Variants in IL2RA observed in about 807,000 individuals in gnomAD.
IL2RA encodes interleukin 2 receptor subunit alpha, also known as interleukin-2 receptor subunit alpha.
In IL2RA, 24 loss-of-function variants were observed where a neutral mutation model predicts 37.8. The ratio of observed to expected loss-of-function variants is 0.63; its 90% confidence interval spans 0.46 to 0.89. The LOEUF is 0.89. IL2RA is among the 40% of genes least tolerant of loss of function. IL2RA has a pLI of 0.00. For missense variants in IL2RA, 319 were observed against 348.6 expected (o/e 0.92, Z 0.68); for synonymous variants, 125 against 114.6 (o/e 1.09, Z -0.58).
At chr10:6,040,293 T>C (rs1315424588) in intron 1 of IL2RA, among the ~76,000 whole-genome samples, 1 of 152,164 alleles carries the variant, frequency 6.6e-6, no homozygotes, top group East Asian at 1.9e-4. Flanking sequence ...AACGAGGAAA[T>C]AGAGTTTCTT....
chr10:6,044,359 A>G lies in IL2RA; in HGVS notation c.64+17729T>C, dbSNP rs531682405. On this transcript the variant is annotated intron_variant, in intron 1 of 7. Transcript: ENST00000379959. This position sits in a 1 kb window ranked among gnomAD's most constrained non-coding sequence, Gnocchi z 4.5. ...TGCTTCTGTAGAGCAGGGCGACCAC[A>G]TAGGCAGAGAGTAGTAGGTCAGGGC... Among the ~76,000 whole-genome samples, 44 of 152,396 alleles carry G rather than the reference A, an allele frequency of 2.9e-4. No homozygotes were observed. The highest frequency in any genetic ancestry group is 9.9e-4 in the African/African-American group (41 of 41,600).
In IL2RA at chr10:6,036,753, G is replaced by A. The variant is rs1839689241; in HGVS notation, c.65-10728C>T. Reference sequence around the variant, plus strand: ...ATTTTTGTGTCCCTTGAGTTAACCAGAAATACCAACCCTGGAAAGAGATGT... The same window carrying A: ...ATTTTTGTGTCCCTTGAGTTAACCAAAAATACCAACCCTGGAAAGAGATGT... On this transcript the variant is annotated intron_variant, in intron 1 of 7. Coordinates refer to ENST00000379959, the MANE Select transcript of IL2RA (RefSeq NM_000417.3). The surrounding 1 kb of genome is among the most constrained non-coding windows in gnomAD (Gnocchi z 6.1). Among the ~76,000 whole-genome samples the A allele has an allele frequency of 6.6e-6, 1 of 152,162 alleles. No homozygotes were observed. The highest frequency in any genetic ancestry group is 2.4e-5 in the African/African-American group (1 of 41,440).
intron 1 of IL2RA, among the ~76,000 whole-genome samples, chr10:6,031,588 A>G (rs1839595227): frequency 6.7e-6 from 1 of 148,778 alleles, no homozygotes; most frequent in Admixed American, 6.7e-5. Context: ...TAAAAATTTA[A>G]AAACAATTGT....
rs1001270775 is a variant in IL2RA at position 6,029,102 on chromosome 10, A to C, written c.65-3077T>G. 6.6e-6 allele frequency among the ~76,000 whole-genome samples: 1 copy of C among 151,818 alleles called. No individual in the cohort carries two copies. The highest frequency in any genetic ancestry group is 2.4e-5 in the African/African-American group (1 of 41,360). ...GACTTAAAGCAGAGGTCAGTAAACT[A>C]TGACCTGCAGATTTGCTGCCATTTA... On this transcript the variant is annotated intron_variant, in intron 1 of 7. Coordinates refer to ENST00000379959, the MANE Select transcript of IL2RA (RefSeq NM_000417.3). The surrounding 1 kb of genome is among the most constrained non-coding windows in gnomAD (Gnocchi z 4.6).
intron 1 of IL2RA, among the ~76,000 whole-genome samples, chr10:6,061,374 A>T (rs1176944452): frequency 6.6e-6 from 1 of 152,104 alleles, no homozygotes. Context: ...TGACAGAGAC[A>T]GTGTCAAAAA....
In IL2RA at chr10:6,058,282, C is replaced by T. The variant is rs559420369; in HGVS notation, c.64+3806G>A. Among the ~76,000 whole-genome samples, 9 of 152,194 alleles carry T rather than the reference C, an allele frequency of 5.9e-5. No individual in the cohort carries two copies. The highest frequency in any genetic ancestry group is 1.2e-4 in the Non-Finnish European group (8 of 68,048). On this transcript the variant is annotated intron_variant, in intron 1 of 7. Transcript: ENST00000379959. This position sits in a 1 kb window ranked among gnomAD's most constrained non-coding sequence, Gnocchi z 4.2. ...GTTCTATATTAGCACCTCTAACTGA[C>T]GCATTCGTGAAACTCATTCTTTTGG...
Position 6,021,329 on chromosome 10 carries a change from T to C in IL2RA, c.583+149A>G, listed in dbSNP as rs200821498. The C allele has an allele frequency of 2.9e-6, 2 of 682,288 alleles. No homozygotes were observed. The highest frequency in any genetic ancestry group is 2.5e-6 in the Non-Finnish European group (1 of 397,682). The allele number at this position is 682,288 out of a possible 1,614,324, so 42.3% of individuals were successfully genotyped here. A position where few individuals can be genotyped will look rare whatever the true frequency, so the allele number is the denominator to read the frequency against. On this transcript the variant is annotated intron_variant, in intron 4 of 7. Coordinates refer to ENST00000379959, the MANE Select transcript of IL2RA (RefSeq NM_000417.3). The surrounding 1 kb of genome is among the most constrained non-coding windows in gnomAD (Gnocchi z 4.9). The stretch of plus-strand genomic sequence containing the variant: ...CTGGTCTATTTAAATTTTTTTTTTT[T>C]TCTCAGAATGAGAAAAAATGGAAGC...
chr10:6,023,237 T>C (rs1223519437), intron 3 of IL2RA, among the ~76,000 whole-genome samples: 4 of 152,188 alleles, frequency 2.6e-5, no homozygotes, highest in South Asian at 2.1e-4. Flanking sequence ...CTTTGTAAGG[T>C]TGTAAAATCA....
In IL2RA at chr10:6,031,500, A is replaced by ATG. The variant is rs1564546025; in HGVS notation, c.65-5476_65-5475insCA. Among the ~76,000 whole-genome samples, 4 of 71,516 alleles carry ATG rather than the reference A, an allele frequency of 5.6e-5. No individual in the cohort carries two copies. The East Asian group carries it at 2.8e-3, about 50-fold the overall frequency. 46.9% of individuals were successfully genotyped at this position (71,516 alleles called of 152,430 possible). The stretch of plus-strand genomic sequence containing the variant: ...TATATATATATATATATATGTATAT[A>ATG]TATATATATATGTATATATATGTAT... On this transcript the variant is annotated intron_variant, in intron 1 of 7. Coordinates refer to ENST00000379959, the MANE Select transcript of IL2RA (RefSeq NM_000417.3).
At chr10:6,031,252 G>A (rs1440525665) in intron 1 of IL2RA, among the ~76,000 whole-genome samples, 1 of 151,068 alleles carries the variant, frequency 6.6e-6, no homozygotes, top group African/African-American at 2.4e-5. Context: ...AAAAATGATG[G>A]GTTGAGAAAA....
intron 7 of IL2RA, among the ~76,000 whole-genome samples, chr10:6,016,087 C>G (rs1329818784): frequency 6.6e-6 from 1 of 152,192 alleles, no homozygotes; most frequent in Non-Finnish European, 1.5e-5. Flanking sequence ...GTGTTGGAAA[C>G]TTAATCCCTA....
Position 6,021,473 on chromosome 10 carries a change from C to T in IL2RA, c.583+5G>A. 1 of 1,612,966 alleles carries T rather than the reference C, an allele frequency of 6.2e-7. No homozygotes were observed. The highest frequency in any genetic ancestry group is 8.5e-7 in the Non-Finnish European group (1 of 1,179,530). ...ATTGTGGACCCCAGAAGGGAGCCAC[C>T]CTACCTGGAAACTGACTGGTCTCCA... On this transcript the variant is annotated splice_donor_5th_base_variant and intron_variant, in intron 4 of 7. Coordinates refer to ENST00000379959, the MANE Select transcript of IL2RA (RefSeq NM_000417.3). This position sits in a 1 kb window ranked among gnomAD's most constrained non-coding sequence, Gnocchi z 4.9.
rs568338247 is a variant in IL2RA, at chr10:6,058,073, G to T, written c.64+4015C>A. On this transcript the variant is annotated intron_variant, in intron 1 of 7. Transcript: ENST00000379959. This position sits in a 1 kb window ranked among gnomAD's most constrained non-coding sequence, Gnocchi z 4.2. The stretch of plus-strand genomic sequence containing the variant: ...ACCCGGGAGGCAGAGGTTGCAGTGA[G>T]CCAATATCTCGCCACTGCACTCCAG... Among the ~76,000 whole-genome samples, 1 of 152,118 alleles carries T rather than the reference G, an allele frequency of 6.6e-6. No individual in the cohort carries two copies. The highest frequency in any genetic ancestry group is 1.5e-5 in the Non-Finnish European group (1 of 68,036).
chr10:6,043,579 C>T (rs1839805691), intron 1 of IL2RA, among the ~76,000 whole-genome samples: 1 of 152,230 alleles, frequency 6.6e-6, no homozygotes, highest in African/African-American at 2.4e-5. Context: ...GCTGGGATTA[C>T]AAGCGCCTGC....
At chr10:6,019,355 CCTA>C in intron 6 of IL2RA, 70 bp downstream of exon 6, 2 of 1,159,882 alleles carry the variant, frequency 1.7e-6, no homozygotes, top group Non-Finnish European at 2.6e-6. Context: ...AACTAACCAA[CCTA>C]CTAACCAGTC....
rs1839263631 is a variant in IL2RA at position 6,015,650 on chromosome 10, C to T, written c.794+2403G>A. 6.6e-6 allele frequency among the ~76,000 whole-genome samples: 1 copy of T among 152,132 alleles called. No individual in the cohort carries two copies. The highest frequency in any genetic ancestry group is 2.4e-5 in the African/African-American group (1 of 41,404). On this transcript the variant is annotated intron_variant, in intron 7 of 7. Coordinates refer to ENST00000379959, the MANE Select transcript of IL2RA (RefSeq NM_000417.3). This position sits in a 1 kb window ranked among gnomAD's most constrained non-coding sequence, Gnocchi z 4.9. ...GAGGTATGTAGGGATGCTTTGATACCTACAAGGTACAGTGATCAGATCATG... is the reference window on the plus strand; with the variant it reads ...GAGGTATGTAGGGATGCTTTGATACTTACAAGGTACAGTGATCAGATCATG...
chr10:6,019,730 T>A, intron 5 of IL2RA, 140 bp downstream of exon 5: 1 of 877,716 alleles, frequency 1.1e-6, no homozygotes, highest in Non-Finnish European at 1.9e-6. Context: ...TGAGGCCCTG[T>A]CCCTGCTCAG....
rs1589292275 is a variant in IL2RA, at chr10:6,019,858, C to T, written c.655+12G>A. Reference sequence around the variant, plus strand: ...TAGGCCTCTGTGGTCCAGCGTTTGTCTTCTCCCGCACCTGTTGTTGTGACG... The same window carrying T: ...TAGGCCTCTGTGGTCCAGCGTTTGTTTTCTCCCGCACCTGTTGTTGTGACG... On this transcript the variant is annotated intron_variant, in intron 5 of 7. Transcript: ENST00000379959. 2 of 1,613,714 alleles carry T rather than the reference C, an allele frequency of 1.2e-6. No homozygotes were observed. The highest frequency in any genetic ancestry group is 4.5e-5 in the East Asian group (2 of 44,882).
rs12722624 is a variant in IL2RA, at chr10:6,057,161, C to T, written c.64+4927G>A. Among the ~76,000 whole-genome samples the T allele has an allele frequency of 6.8e-3, 1,033 of 152,310 alleles. 13 individuals carry two copies. Among genetic ancestry groups the T allele is most frequent in the African/African-American group, 0.024 (999 of 41,568 alleles). The stretch of plus-strand genomic sequence containing the variant: ...ACTCTCTTAAGGATCAGGACTATGT[C>T]GCTCATTTTTACATTTCCTATAGTA... On this transcript the variant is annotated intron_variant, in intron 1 of 7. Coordinates refer to ENST00000379959, the MANE Select transcript of IL2RA (RefSeq NM_000417.3). This position sits in a 1 kb window ranked among gnomAD's most constrained non-coding sequence, Gnocchi z 4.8.
Sources: allele counts gnomAD v4.1 joint callset (sites outside exome capture counted in the v4.1 genomes callset), GRCh38; gene constraint gnomAD v4.1.1; non-coding constraint Gnocchi (gnomAD v3.1); transcripts MANE v1.5; gene names NCBI Gene and HGNC (gene_info 2026-07-23, HGNC 2026-07-21).